LYRM4: variants seen among roughly 807,000 people sequenced by gnomAD.
LYRM4 encodes the protein LYR motif containing 4.
LYRM4 carries 9 observed loss-of-function variants against 11.7 expected under a neutral mutation model. The observed-to-expected ratio is 0.77, with a 90% CI of 0.46 to 1.34. The LOEUF (loss-of-function observed/expected upper bound fraction) is 1.34. Ranked by LOEUF, LYRM4 falls within the 40% of genes most tolerant of loss-of-function variation. The pLI is 0.00. For synonymous variants in LYRM4, 42 were observed against 40.4 expected, an observed-to-expected ratio of 1.04 and a Z score of -0.15; for missense variants, 133 against 112.5, an observed-to-expected ratio of 1.18 and a Z score of -0.82.
At chr6:5,151,674 T>C (rs73717697) in intron 2 of LYRM4, among the ~76,000 whole-genome samples, 15,488 of 152,276 alleles carry the variant, frequency 0.1, 982 homozygotes, top group South Asian at 0.23. Flanking sequence ...AGGCTTGTTC[T>C]GAAATCCTGG....
chr6:5,186,380 T>C (rs1417862424), intron 2 of LYRM4, among the ~76,000 whole-genome samples: 4 of 152,174 alleles, frequency 2.6e-5, no homozygotes, highest in East Asian at 1.9e-4. Flanking sequence ...ATGTTTCCTT[T>C]GGAAGCAAAA....
intron 2 of LYRM4, among the ~76,000 whole-genome samples, chr6:5,153,766 T>C (rs1181524134): frequency 3.3e-5 from 5 of 152,214 alleles, no homozygotes; most frequent in Non-Finnish European, 7.3e-5. Context: ...ATCACTGATA[T>C]ATTGAGGGCT....
the LYRM4 span, among the ~76,000 whole-genome samples, chr6:5,056,450 C>T: frequency 1.3e-5 from 2 of 152,188 alleles, no homozygotes; most frequent in East Asian, 1.9e-4. Context: ...ACTGTCCACA[C>T]TATGTTACAT....
intron 2 of LYRM4, among the ~76,000 whole-genome samples, chr6:5,212,404 T>C (rs1338533334): frequency 6.6e-6 from 1 of 152,240 alleles, no homozygotes; most frequent in Non-Finnish European, 1.5e-5. Context: ...GTTAATTGTC[T>C]GGGGTAGAAA....
Position 5,109,429 on chromosome 6 carries a change from C to T in LYRM4, c.270G>A (p.Arg90=), listed in dbSNP as rs755865856. ...KLIIENRDMP[R]T The stretch of plus-strand genomic sequence containing the variant: ...GTGGCTGGTCCCCGGCTTGCTAGGT[C>T]CTGGGCATGTCTCGATTCTCAATGA... Residue 90 remains arginine (R), a synonymous_variant, in exon 3 of 3, where the codon AGG becomes AGA. Coordinates refer to ENST00000330636, the MANE Select transcript of LYRM4 (RefSeq NM_020408.6). The T allele has an allele frequency of 3.1e-6, 5 of 1,614,104 alleles. No individual in the cohort carries two copies. Among genetic ancestry groups the T allele is most frequent in the Non-Finnish European group, 3.4e-6 (4 of 1,179,978 alleles).
intron 2 of LYRM4, among the ~76,000 whole-genome samples, chr6:5,175,232 G>T (rs1279980949): frequency 6.6e-6 from 1 of 152,200 alleles, no homozygotes; most frequent in Non-Finnish European, 1.5e-5. Flanking sequence ...AGATCTCATG[G>T]TATGCTTTTA....
intron 2 of LYRM4, chr6:5,138,801 C>G: frequency 7.7e-7 from 1 of 1,291,264 alleles, no homozygotes; most frequent in South Asian, 1.3e-5. Flanking sequence ...AGAAAGAGTT[C>G]TTTGGGATTT....
At chr6:5,069,334 T>TA in the LYRM4 span, among the ~76,000 whole-genome samples, 1 of 150,958 alleles carries the variant, frequency 6.6e-6, no homozygotes. Flanking sequence ...ATTAATTTGT[T>TA]AAAAAACAAG....
chr6:5,047,177 G>C, the LYRM4 span, among the ~76,000 whole-genome samples: 1 of 152,146 alleles, frequency 6.6e-6, no homozygotes, highest in African/African-American at 2.4e-5. Flanking sequence ...TAATTTATTG[G>C]GGAACCGTCT....
intron 1 of LYRM4, among the ~76,000 whole-genome samples, chr6:5,243,343 T>C (rs989801695): frequency 6.6e-6 from 1 of 152,256 alleles, no homozygotes; most frequent in Middle Eastern, 3.2e-3. Flanking sequence ...CGGCAAGGAC[T>C]CTGCGAACAG....
intron 2 of LYRM4, among the ~76,000 whole-genome samples, chr6:5,112,728 G>T (rs1419905128): frequency 6.6e-6 from 1 of 152,218 alleles, no homozygotes; most frequent in African/African-American, 2.4e-5. Context: ...GGACTAGAGG[G>T]ATCTAGAAGA....
intron 2 of LYRM4, among the ~76,000 whole-genome samples, chr6:5,116,495 G>A (rs1763123795): frequency 6.6e-6 from 1 of 152,192 alleles, no homozygotes; most frequent in Non-Finnish European, 1.5e-5. Flanking sequence ...CACACAACGG[G>A]AGGCTAGCCG....
the LYRM4 span, among the ~76,000 whole-genome samples, chr6:5,097,768 A>G: frequency 6.6e-6 from 1 of 152,238 alleles, no homozygotes; most frequent in African/African-American, 2.4e-5. Context: ...TTTCAACAGG[A>G]GCAATGAAGG....
At chr6:5,116,047 A>C (rs1240114420) in intron 2 of LYRM4, among the ~76,000 whole-genome samples, 1 of 152,146 alleles carries the variant, frequency 6.6e-6, no homozygotes, top group Admixed American at 6.5e-5. Context: ...GACACATAGG[A>C]AGTGCTCAGA....
At chr6:5,066,745 A>G in the LYRM4 span, 12 of 760,432 alleles carry the variant, frequency 1.6e-5, no homozygotes, top group South Asian at 4.7e-5. Context: ...GTCTCAGCCA[A>G]TCTCCGATTG....
intron 2 of LYRM4, chr6:5,136,927 AC>A: frequency 1.4e-6 from 1 of 709,642 alleles, no homozygotes; most frequent in Non-Finnish European, 1.7e-6. Flanking sequence ...TGCATCCATT[AC>A]CACAATCAAT....
rs1010514056 is a variant in LYRM4, at chr6:5,199,357, G to C, written c.207+17261C>G. 3.3e-5 allele frequency among the ~76,000 whole-genome samples: 5 copies of C among 152,328 alleles called. 1 individual carries two copies. The highest frequency in any genetic ancestry group is 1.3e-4 in the Admixed American group (2 of 15,304). ...GTAGACTGATGATTGGCTAGGGCTAGGGAAGAGTGGGTTGGGGGAAAATGG... is the reference window on the plus strand; with the variant it reads ...GTAGACTGATGATTGGCTAGGGCTACGGAAGAGTGGGTTGGGGGAAAATGG... On this transcript the variant is annotated intron_variant, in intron 2 of 2. Coordinates refer to ENST00000330636, the MANE Select transcript of LYRM4 (RefSeq NM_020408.6).
At chr6:5,206,038 TC>T (rs1476969070) in intron 2 of LYRM4, among the ~76,000 whole-genome samples, 3 of 152,086 alleles carry the variant, frequency 2.0e-5, no homozygotes, top group Non-Finnish European at 2.9e-5. Context: ...ATCCAGTTAC[TC>T]CCCCATGTGC....
At chr6:5,215,481 G>GT (rs1762224190) in intron 2 of LYRM4, among the ~76,000 whole-genome samples, 1 of 152,186 alleles carries the variant, frequency 6.6e-6, no homozygotes, top group Admixed American at 6.5e-5. Context: ...GCCTGTCTGA[G>GT]TGTGGCAGTT....
Sources: gnomAD v4.1 joint callset for allele counts (sites outside exome capture counted in the v4.1 genomes callset) on GRCh38, gnomAD v4.1.1 for gene constraint, MANE v1.5 for transcripts, NCBI Gene and HGNC (gene_info 2026-07-23, HGNC 2026-07-21) for gene names.